SUPT3H: variants seen among roughly 807,000 people sequenced by gnomAD.
SUPT3H encodes the protein SPT3 homolog, SAGA and STAGA complex component.
In SUPT3H, 44 loss-of-function variants were observed where a neutral mutation model predicts 44.3. The observed-to-expected ratio is 0.99, with a 90% confidence interval of 0.78 to 1.28. The LOEUF (loss-of-function observed/expected upper bound fraction) is 1.28. SUPT3H is among the 50% of genes most tolerant of loss of function. The probability of loss-of-function intolerance (pLI) is 0.00; values close to 1 mark genes in which losing one functional copy is unlikely to be tolerated. For missense variants in SUPT3H, 380 were observed against 387.1 expected (o/e 0.98, Z 0.15); for synonymous variants, 124 against 125.6 (o/e 0.99, Z 0.09).
At chr6:45,326,307 T>C (rs1786324252) in intron 2 of SUPT3H, among the ~76,000 whole-genome samples, 1 of 151,966 alleles carries the variant, frequency 6.6e-6, no homozygotes, top group Non-Finnish European at 1.5e-5. Context: ...AATTAAGTGA[T>C]TCTGCTATTA....
intron 3 of SUPT3H, among the ~76,000 whole-genome samples, chr6:45,102,105 AAAG>A (rs1272843731): frequency 2.0e-5 from 3 of 152,202 alleles, no homozygotes; most frequent in Non-Finnish European, 2.9e-5. Context: ...AGAACTGAAA[AAAG>A]AAAACAAAAC....
At chr6:44,992,087 T>C (rs544584243) in intron 6 of SUPT3H, among the ~76,000 whole-genome samples, 3 of 152,178 alleles carry the variant, frequency 2.0e-5, no homozygotes, top group Admixed American at 6.6e-5. Context: ...TAAATGTAAA[T>C]TAGTGGCAAA....
chr6:44,981,294 C>T (rs985026897), intron 6 of SUPT3H, among the ~76,000 whole-genome samples: 2 of 152,044 alleles, frequency 1.3e-5, no homozygotes, highest in African/African-American at 4.8e-5. Flanking sequence ...AGTCATATAC[C>T]TGGAAAATAT....
intron 10 of SUPT3H, among the ~76,000 whole-genome samples, chr6:44,916,454 G>A (rs1767816061): frequency 6.6e-6 from 1 of 152,170 alleles, no homozygotes; most frequent in Non-Finnish European, 1.5e-5. Context: ...ATGGTACTCA[G>A]AATGGGTCTG....
intron 7 of SUPT3H, among the ~76,000 whole-genome samples, chr6:44,957,420 G>A (rs1339364865): frequency 2.0e-5 from 3 of 151,890 alleles, no homozygotes; most frequent in Admixed American, 6.6e-5. Flanking sequence ...AGTATGCTGC[G>A]ATAGCTCACA....
chr6:45,101,688 G>A (rs188035029), intron 3 of SUPT3H, among the ~76,000 whole-genome samples: 8 of 152,062 alleles, frequency 5.3e-5, no homozygotes, highest in African/African-American at 1.2e-4. Context: ...TTAAGGTAAC[G>A]AATATGCTAA....
chr6:44,863,861 C>A (rs888818392), intron 10 of SUPT3H, among the ~76,000 whole-genome samples: 1 of 152,012 alleles, frequency 6.6e-6, no homozygotes, highest in African/African-American at 2.4e-5. Context: ...TCAAGTGGAA[C>A]AGGTTTCCCT....
At chr6:45,306,453 C>A (rs982606131) in intron 2 of SUPT3H, among the ~76,000 whole-genome samples, 9 of 152,128 alleles carry the variant, frequency 5.9e-5, no homozygotes, top group Non-Finnish European at 1.2e-4. Flanking sequence ...ACAGATTACC[C>A]AGCTTGAACC....
chr6:45,052,797 T>C (rs181675864), intron 3 of SUPT3H, among the ~76,000 whole-genome samples: 4 of 152,090 alleles, frequency 2.6e-5, no homozygotes, highest in African/African-American at 7.2e-5. Context: ...TTACCTTAGG[T>C]AGATCATAGT....
intron 2 of SUPT3H, among the ~76,000 whole-genome samples, chr6:45,276,262 G>A (rs1191779106): frequency 6.6e-6 from 1 of 151,834 alleles, no homozygotes; most frequent in Non-Finnish European, 1.5e-5. Flanking sequence ...CAACTAAATG[G>A]AGTTTATATA....
At chr6:44,854,102 T>C (rs1397319777) in intron 10 of SUPT3H, among the ~76,000 whole-genome samples, 1 of 152,128 alleles carries the variant, frequency 6.6e-6, no homozygotes, top group Non-Finnish European at 1.5e-5. Context: ...ATCACTGCCA[T>C]GACATTCAGT....
chr6:45,148,369 A>G (rs961769590), intron 2 of SUPT3H, among the ~76,000 whole-genome samples: 2 of 152,154 alleles, frequency 1.3e-5, no homozygotes, highest in African/African-American at 2.4e-5. Flanking sequence ...TAGATGGTAC[A>G]ATCAGTTCTG....
chr6:45,217,783 G>A (rs1765330987), intron 2 of SUPT3H, among the ~76,000 whole-genome samples: 2 of 151,504 alleles, frequency 1.3e-5, no homozygotes, highest in South Asian at 2.1e-4. Flanking sequence ...CTAGCTACTA[G>A]GGAGGCTGAG....
chr6:44,832,456 A>C (rs186886225), intron 10 of SUPT3H, among the ~76,000 whole-genome samples: 23 of 152,236 alleles, frequency 1.5e-4, no homozygotes, highest in Non-Finnish European at 3.2e-4. Flanking sequence ...CCCACTACTG[A>C]AAATTATAGC....
At chr6:45,105,258 A>C (rs1386198223) in intron 3 of SUPT3H, among the ~76,000 whole-genome samples, 1 of 152,126 alleles carries the variant, frequency 6.6e-6, no homozygotes, top group Non-Finnish European at 1.5e-5. Flanking sequence ...AATAAACAAC[A>C]ACTATATGAA....
At chr6:45,332,563 T>C (rs1393199143) in intron 2 of SUPT3H, among the ~76,000 whole-genome samples, 1 of 151,826 alleles carries the variant, frequency 6.6e-6, no homozygotes, top group Non-Finnish European at 1.5e-5. Flanking sequence ...TACTAAGATA[T>C]GACAACTCTA....
intron 3 of SUPT3H, among the ~76,000 whole-genome samples, chr6:45,094,480 T>C (rs898576851): frequency 1.3e-5 from 2 of 152,108 alleles, no homozygotes; most frequent in African/African-American, 2.4e-5. Flanking sequence ...TCAAAATGAA[T>C]TGGTTAGTAG....
intron 3 of SUPT3H, among the ~76,000 whole-genome samples, chr6:45,061,827 G>A (rs1480535378): frequency 6.7e-6 from 1 of 149,640 alleles, no homozygotes. Flanking sequence ...CCATTGTTCT[G>A]AGCTGTAAAT....
intron 9 of SUPT3H, among the ~76,000 whole-genome samples, chr6:44,942,501 G>C (rs188140298): frequency 6.6e-6 from 1 of 152,134 alleles, no homozygotes; most frequent in East Asian, 1.9e-4. Flanking sequence ...CAGAGTTCGC[G>C]CAATCACAGT....
Sources: allele counts gnomAD v4.1 joint callset (sites outside exome capture counted in the v4.1 genomes callset), GRCh38; gene constraint gnomAD v4.1.1; transcripts MANE v1.5; gene names NCBI Gene and HGNC (gene_info 2026-07-23, HGNC 2026-07-21).